The following FHIT variants were observed in gnomAD, a reference collection of about 807,000 sequenced individuals.
FHIT encodes bis(5'-adenosyl)-triphosphatase.
Under a neutral mutation model 17.9 loss-of-function variants are expected in FHIT, and 19 were observed. The observed-to-expected ratio is 1.06, with a 90% CI of 0.74 to 1.56. The LOEUF (loss-of-function observed/expected upper bound fraction) is 1.56. Ranked by LOEUF, FHIT falls within the 40% of genes most tolerant of loss-of-function variation. FHIT has a pLI of 0.00. For synonymous variants in FHIT, 81 were observed against 69.7 expected (o/e 1.16, Z -0.81); for missense variants, 248 against 189.2 (o/e 1.31, Z -1.82).
At chr3:60,384,445 G>C (rs1700927170) in intron 5 of FHIT, among the ~76,000 whole-genome samples, 2 of 152,014 alleles carry the variant, frequency 1.3e-5, no homozygotes, top group African/African-American at 2.4e-5. Flanking sequence ...CACTTTAAAG[G>C]TTTGGTATCT....
chr3:60,089,938 A>G (rs1034978014), intron 5 of FHIT, among the ~76,000 whole-genome samples: 1 of 152,206 alleles, frequency 6.6e-6, no homozygotes, highest in Non-Finnish European at 1.5e-5. Context: ...ACGAATATAT[A>G]TGAATTAAAA....
At chr3:60,957,528 C>G (rs186563973) in intron 3 of FHIT, among the ~76,000 whole-genome samples, 1 of 147,578 alleles carries the variant, frequency 6.8e-6, no homozygotes. Flanking sequence ...TGAGCCATGG[C>G]GCCGGGCCCA....
chr3:60,317,150 CATTAT>C (rs1181567374), intron 5 of FHIT, among the ~76,000 whole-genome samples: 1 of 151,916 alleles, frequency 6.6e-6, no homozygotes, highest in Non-Finnish European at 1.5e-5. Flanking sequence ...TGTTACTCAA[CATTAT>C]ATTTTTAAAA....
intron 4 of FHIT, among the ~76,000 whole-genome samples, chr3:60,801,654 A>T (rs533284212): frequency 6.6e-6 from 1 of 152,354 alleles, no homozygotes; most frequent in African/African-American, 2.4e-5. Context: ...AATGAAAATT[A>T]ACTTATTAAT....
intron 3 of FHIT, among the ~76,000 whole-genome samples, chr3:60,977,661 C>G (rs1418015969): frequency 6.6e-6 from 1 of 152,036 alleles, no homozygotes; most frequent in Non-Finnish European, 1.5e-5. Flanking sequence ...CACCTGAGGT[C>G]GGGAGTTCGA....
intron 8 of FHIT, among the ~76,000 whole-genome samples, chr3:59,856,579 TA>T (rs1459646030): frequency 6.6e-6 from 1 of 152,240 alleles, no homozygotes; most frequent in Non-Finnish European, 1.5e-5. Flanking sequence ...TACTCAATTG[TA>T]AGGCATAACA....
At chr3:59,920,312 T>C (rs1705340320) in intron 8 of FHIT, among the ~76,000 whole-genome samples, 1 of 152,224 alleles carries the variant, frequency 6.6e-6, no homozygotes, top group African/African-American at 2.4e-5. Flanking sequence ...CCTTAGTGGA[T>C]ACTGTCTATA....
intron 4 of FHIT, among the ~76,000 whole-genome samples, chr3:60,543,739 TTTG>T (rs1181016341): frequency 2.0e-5 from 3 of 151,798 alleles, no homozygotes; most frequent in African/African-American, 7.3e-5. Context: ...GATTCTCTTT[TTTG>T]TTGTTGTTTT....
At chr3:60,777,144 T>A (rs576825521) in intron 4 of FHIT, among the ~76,000 whole-genome samples, 1 of 152,284 alleles carries the variant, frequency 6.6e-6, no homozygotes, top group African/African-American at 2.4e-5. Flanking sequence ...ACAAAAGGAG[T>A]CAAATTCTGT....
At chr3:60,370,072 C>A (rs929933286) in intron 5 of FHIT, among the ~76,000 whole-genome samples, 4 of 152,160 alleles carry the variant, frequency 2.6e-5, no homozygotes, top group Non-Finnish European at 4.4e-5. Context: ...CTGCCTATGT[C>A]CGAGAGCTTT....
intron 1 of FHIT, among the ~76,000 whole-genome samples, chr3:61,212,240 G>C (rs1021181172): frequency 6.6e-6 from 1 of 152,092 alleles, no homozygotes; most frequent in East Asian, 1.9e-4. Flanking sequence ...AGACAAAGAA[G>C]TTAAAAACTT....
intron 2 of FHIT, among the ~76,000 whole-genome samples, chr3:61,160,116 CA>C (rs2037644240): frequency 6.6e-6 from 1 of 152,178 alleles, no homozygotes; most frequent in Admixed American, 6.5e-5. Flanking sequence ...GTTCAGACTT[CA>C]AATGTGCTAA....
intron 2 of FHIT, among the ~76,000 whole-genome samples, chr3:61,188,482 C>T (rs1219524452): frequency 6.6e-6 from 1 of 152,168 alleles, no homozygotes. Flanking sequence ...GAGGGATTCA[C>T]AGCTGAATTC....
At chr3:60,460,908 C>G (rs574164934) in intron 5 of FHIT, among the ~76,000 whole-genome samples, 1 of 152,074 alleles carries the variant, frequency 6.6e-6, no homozygotes, top group African/African-American at 2.4e-5. Context: ...AACTTAAGTA[C>G]GTACAAATTT....
intron 2 of FHIT, among the ~76,000 whole-genome samples, chr3:61,084,237 A>G (rs1295112363): frequency 6.6e-6 from 1 of 152,132 alleles, no homozygotes. Context: ...GAGTGGCTCT[A>G]TTTCTGTACA....
At chr3:60,114,543 C>G (rs946091802) in intron 5 of FHIT, among the ~76,000 whole-genome samples, 1 of 126,636 alleles carries the variant, frequency 7.9e-6, no homozygotes, top group African/African-American at 3.0e-5. Context: ...TTTCCCAGGC[C>G]TGAGTGAAGG....
intron 5 of FHIT, among the ~76,000 whole-genome samples, chr3:60,500,771 T>TTAAAAAAAAAAAAAAAAAAAAAAAAA (rs751877681): frequency 1.5e-5 from 1 of 64,860 alleles, no homozygotes; most frequent in African/African-American, 6.1e-5. Flanking sequence ...AGCATCCATC[T>TTAAAAAAAAAAAAAAAAAAAAAAAAA]AAAAAAAAAA....
chr3:60,432,367 C>T (rs1048043609), intron 5 of FHIT, among the ~76,000 whole-genome samples: 1 of 151,996 alleles, frequency 6.6e-6, no homozygotes, highest in African/African-American at 2.4e-5. Context: ...AGTGTTGGAC[C>T]TAATCTAGAT....
At chr3:60,625,871 T>C (rs1330292097) in intron 4 of FHIT, among the ~76,000 whole-genome samples, 1 of 152,218 alleles carries the variant, frequency 6.6e-6, no homozygotes, top group African/African-American at 2.4e-5. Context: ...TTTATAGTTT[T>C]AGCTTTTACA....
Sources: gnomAD v4.1 joint callset for allele counts (sites outside exome capture counted in the v4.1 genomes callset) on GRCh38, gnomAD v4.1.1 for gene constraint, MANE v1.5 for transcripts, NCBI Gene and HGNC (gene_info 2026-07-23, HGNC 2026-07-21) for gene names.